MAP6: variants seen among roughly 807,000 people sequenced by gnomAD.
MAP6 encodes the protein microtubule-associated protein 6.
In MAP6, 26 loss-of-function variants were observed where a neutral mutation model predicts 42.4. That is an observed-to-expected ratio of 0.61 (90% CI 0.45 to 0.85). MAP6 has a LOEUF of 0.85. Among genes scored for constraint, MAP6 ranks in the 40% least tolerant of loss-of-function variants. MAP6 has a pLI of 0.00. For missense variants in MAP6, 966 were observed against 1,099.0 expected (o/e 0.88, Z 1.71); for synonymous variants, 418 against 443.8 (o/e 0.94, Z 0.73).
chr11:75,592,399 A>G (rs1380589149), intron 3 of MAP6, among the ~76,000 whole-genome samples: 1 of 152,212 alleles, frequency 6.6e-6, no homozygotes, highest in Non-Finnish European at 1.5e-5. Context: ...GAAAGATTTA[A>G]AAGTTATTGT....
chr11:75,598,179 C>T lies in MAP6; in HGVS notation c.1316+7629G>A, dbSNP rs548201104. ...TCCTGAATTGGGAACCAAATATATTCGAAGAGTGATCGATATTTGTATTAT... is the reference window on the plus strand; with the variant it reads ...TCCTGAATTGGGAACCAAATATATTTGAAGAGTGATCGATATTTGTATTAT... On this transcript the variant is annotated intron_variant, in intron 3 of 3. Coordinates refer to ENST00000304771, the MANE Select transcript of MAP6 (RefSeq NM_033063.2). 1.8e-4 allele frequency among the ~76,000 whole-genome samples: 27 copies of T among 152,230 alleles called. No individual in the cohort carries two copies. In the East Asian group the frequency reaches 2.5e-3, roughly 14 times the overall value.
chr11:75,668,191 G>C lies in MAP6; in HGVS notation c.179C>G (p.Pro60Arg), dbSNP rs571182244. 54 of 1,247,218 alleles carry C rather than the reference G, an allele frequency of 4.3e-5. No individual in the cohort carries two copies. The highest frequency in any genetic ancestry group is 1.3e-4 in the Admixed American group (3 of 22,972). The allele number at this position is 1,247,218 out of a possible 1,614,324, so 77.3% of individuals were successfully genotyped here. The part of the protein sequence containing the change: ...QQQAQPALAP[P>R]SARAVAIETQ... ...CTCTATGGCAACCGCGCGCGCCGAG[G>C]GGGGCGCGAGCGCCGGCTGCGCCTG... The change falls in exon 1 of 4, where the codon CCC becomes CGC. Residue 60 changes from proline (P) to arginine (R), a missense_variant. Physicochemically the swap from Pro to Arg is moderately radical, Grantham distance 103. Transcript: ENST00000304771.
At chr11:75,610,537 A>G (rs934659927) in intron 1 of MAP6, among the ~76,000 whole-genome samples, 2 of 152,264 alleles carry the variant, frequency 1.3e-5, no homozygotes, top group East Asian at 3.8e-4. Flanking sequence ...ATAAGAGGCT[A>G]GACAGGCCAT....
At chr11:75,661,861 A>G (rs768697460) in intron 1 of MAP6, among the ~76,000 whole-genome samples, 38 of 152,174 alleles carry the variant, frequency 2.5e-4, no homozygotes, top group Non-Finnish European at 4.7e-4. Flanking sequence ...AAATCTTGGA[A>G]AGGAAGATAA....
At position 75,667,170 on chromosome 11, in the gene MAP6, G is replaced by T. The variant is rs1282980138; in HGVS notation, c.905+295C>A. The stretch of plus-strand genomic sequence containing the variant: ...GCACAGCCTCTGCTGACATTGCAAA[G>T]GGTCTCTGTGGGAAGGCAGGGATCT... On this transcript the variant is annotated intron_variant, in intron 1 of 3. Coordinates refer to ENST00000304771, the MANE Select transcript of MAP6 (RefSeq NM_033063.2). The surrounding 1 kb of genome is among the most constrained non-coding windows in gnomAD (Gnocchi z 5.6). 2.0e-5 allele frequency among the ~76,000 whole-genome samples: 3 copies of T among 152,212 alleles called. No homozygotes were observed. The highest frequency in any genetic ancestry group is 6.5e-5 in the Admixed American group (1 of 15,284).
chr11:75,587,565 G>A lies in MAP6; in HGVS notation c.1936C>T (p.His646Tyr), dbSNP rs758898350. The A allele has an allele frequency of 3.3e-5, 53 of 1,614,078 alleles. No individual in the cohort carries two copies. The highest frequency in any genetic ancestry group is 4.5e-5 in the Non-Finnish European group (53 of 1,180,050). The change falls in exon 4 of 4, where the codon CAT becomes TAT. Residue 646 changes from histidine to tyrosine, a missense_variant. His to Tyr is a moderately conservative substitution (Grantham distance 83, BLOSUM62 2). Transcript: ENST00000304771. ...IKDQDPMVPE[H>Y]PKDESAMATA... Reference sequence around the variant, plus strand: ...GCCATGGCACTTTCATCCTTCGGATGCTCTGGGACCATGGGATCTTGATCC... The same window carrying A: ...GCCATGGCACTTTCATCCTTCGGATACTCTGGGACCATGGGATCTTGATCC...
At position 75,664,865 on chromosome 11, in the gene MAP6, T is replaced by A. The variant is rs532602945; in HGVS notation, c.905+2600A>T. ...TTTCAATCAAAGTGAATTTCTCAAT[T>A]ATTTGTTAATTTTTATTCTGGAACA... On this transcript the variant is annotated intron_variant, in intron 1 of 3. Transcript: ENST00000304771. 8.5e-5 allele frequency among the ~76,000 whole-genome samples: 13 copies of A among 152,278 alleles called. No individual in the cohort carries two copies. In the East Asian group the frequency reaches 2.1e-3, roughly 25 times the overall value.
intron 1 of MAP6, among the ~76,000 whole-genome samples, chr11:75,639,497 A>T (rs903430120): frequency 2.6e-5 from 4 of 152,238 alleles, no homozygotes; most frequent in African/African-American, 7.2e-5. Context: ...ACTTAGGAAT[A>T]TCCATTGTGG....
At chr11:75,615,764 T>C (rs1268282467) in intron 1 of MAP6, among the ~76,000 whole-genome samples, 1 of 152,182 alleles carries the variant, frequency 6.6e-6, no homozygotes, top group Non-Finnish European at 1.5e-5. Flanking sequence ...TAATTGAATC[T>C]CCAATACTGA....
chr11:75,635,333 A>T (rs1039773284), intron 1 of MAP6, among the ~76,000 whole-genome samples: 1 of 152,182 alleles, frequency 6.6e-6, no homozygotes, highest in Non-Finnish European at 1.5e-5. Context: ...TGTACCTCCT[A>T]CATCTGCCAT....
chr11:75,611,614 T>TAATAAAAAATGAAAA (rs1288639230), intron 1 of MAP6, among the ~76,000 whole-genome samples: 1 of 152,124 alleles, frequency 6.6e-6, no homozygotes, highest in Non-Finnish European at 1.5e-5. Context: ...ATGAGCCAAA[T>TAATAAAAAATGAAAA]AATAAAAAAT....
intron 3 of MAP6, among the ~76,000 whole-genome samples, chr11:75,591,375 T>C (rs666566): frequency 0.047 from 7,164 of 152,314 alleles, 241 homozygotes; most frequent in Non-Finnish European, 0.064. Flanking sequence ...TGGACAGTTT[T>C]TCTATGCACG....
At chr11:75,613,252 TC>T (rs1330921800) in intron 1 of MAP6, among the ~76,000 whole-genome samples, 1 of 151,564 alleles carries the variant, frequency 6.6e-6, no homozygotes, top group Non-Finnish European at 1.5e-5. Flanking sequence ...AGCCCTTCCT[TC>T]CCTGCCCTAC....
chr11:75,588,196 A>T lies in MAP6; in HGVS notation c.1317-12T>A. 6.2e-7 allele frequency: 1 copy of T among 1,605,624 alleles called. No individual in the cohort carries two copies. ...GTTGAGCCAGGCTCCTGCAAAGGAG[A>T]GAGAGGTGATCACTGTGAGAGTAGA... On this transcript the variant is annotated splice_polypyrimidine_tract_variant and intron_variant, in intron 3 of 3. Coordinates refer to ENST00000304771, the MANE Select transcript of MAP6 (RefSeq NM_033063.2).
At chr11:75,618,763 C>T (rs1943049751) in intron 1 of MAP6, among the ~76,000 whole-genome samples, 1 of 152,140 alleles carries the variant, frequency 6.6e-6, no homozygotes, top group Non-Finnish European at 1.5e-5. Flanking sequence ...TGGCCAGAGG[C>T]CCCCCTAAAT....
At chr11:75,636,164 CTAAGA>C (rs1943365855) in intron 1 of MAP6, 1 of 152,164 alleles carries the variant, frequency 6.6e-6, no homozygotes, top group Admixed American at 6.5e-5. Context: ...GAGAGAAACT[CTAAGA>C]TATTTACTGA....
intron 3 of MAP6, among the ~76,000 whole-genome samples, chr11:75,592,582 A>G (rs1590750041): frequency 6.6e-6 from 1 of 150,872 alleles, no homozygotes; most frequent in East Asian, 2.0e-4. Context: ...CCCTTCCCCT[A>G]CCACCTGCTA....
intron 1 of MAP6, among the ~76,000 whole-genome samples, chr11:75,612,033 C>T (rs1220843525): frequency 6.6e-6 from 1 of 152,272 alleles, no homozygotes; most frequent in Non-Finnish European, 1.5e-5. Flanking sequence ...AGGGCCTGGC[C>T]TGCTGCCTGC....
At position 75,587,470 on chromosome 11, in the gene MAP6, T is replaced by C. The variant is rs776432005; in HGVS notation, c.2031A>G (p.Ser677=). The change falls in exon 4 of 4, where the codon TCA becomes TCG. Residue 677 remains serine (S), a synonymous_variant. Coordinates refer to ENST00000304771, the MANE Select transcript of MAP6 (RefSeq NM_033063.2). ...EPVKNQGLVV[S]GPVKDQDVVV... ...CAACATCTTGATCCTTGACTGGCCC[T>C]GAGACCACTAAACCTTGATTCTTTA... The C allele has an allele frequency of 1.2e-6, 2 of 1,614,030 alleles. No homozygotes were observed. Among genetic ancestry groups the C allele is most frequent in the East Asian group, 2.2e-5 (1 of 44,904 alleles).
Sources: allele counts gnomAD v4.1 joint callset (sites outside exome capture counted in the v4.1 genomes callset), GRCh38; gene constraint gnomAD v4.1.1; non-coding constraint Gnocchi (gnomAD v3.1); transcripts MANE v1.5; gene names NCBI Gene and HGNC (gene_info 2026-07-23, HGNC 2026-07-21).